Variants in TRPM6 observed in about 807,000 individuals in gnomAD.
The protein encoded by TRPM6 is channel kinase 2.
In TRPM6, 111 loss-of-function variants were observed where a neutral mutation model predicts 247.6. The ratio of observed to expected loss-of-function variants is 0.45; its 90% CI spans 0.38 to 0.52. The LOEUF (loss-of-function observed/expected upper bound fraction) is 0.52, where lower values mean the gene tolerates loss of function less well. TRPM6 is among the 20% of genes least tolerant of loss of function. TRPM6 has a pLI of 0.00. For missense variants in TRPM6, 2,126 were observed against 2,421.5 expected, an observed-to-expected ratio of 0.88 and a Z score of 2.56; for synonymous variants, 892 against 853.8, an observed-to-expected ratio of 1.04 and a Z score of -0.78.
In TRPM6 at chr9:74,761,678, G is replaced by A; in HGVS notation, c.4785+18C>T. ...TTGACTGCTCAAAACCTAAAAGACAGAATAACAGTACACTTACTGGCACCT... is the reference window on the plus strand; with the variant it reads ...TTGACTGCTCAAAACCTAAAAGACAAAATAACAGTACACTTACTGGCACCT... On this transcript the variant is annotated intron_variant, in intron 27 of 38. Transcript: ENST00000360774. The A allele has an allele frequency of 6.7e-7, 1 of 1,498,054 alleles. No homozygotes were observed. 92.8% of individuals were successfully genotyped at this position (1,498,054 alleles called of 1,614,324 possible). A position where few individuals can be genotyped will look rare whatever the true frequency, so the allele number is the denominator to read the frequency against.
chr9:74,758,594 T>C (rs754060841), intron 27 of TRPM6, among the ~76,000 whole-genome samples: 1 of 152,128 alleles, frequency 6.6e-6, no homozygotes, highest in Non-Finnish European at 1.5e-5. Context: ...CCATGAATGA[T>C]AAAAATTCTC....
In TRPM6 at chr9:74,814,774, C is replaced by G. The variant is rs1828866737; in HGVS notation, c.1308+1895G>C. ...GACCAGCCTAGCCAACATGGCAAAC[C>G]CCTGTCTCTACTAAAAATACAAAAA... On this transcript the variant is annotated intron_variant, in intron 11 of 38. Transcript: ENST00000360774. Among the ~76,000 whole-genome samples, 3 of 152,032 alleles carry G rather than the reference C, an allele frequency of 2.0e-5. No homozygotes were observed. The South Asian group carries it at 6.3e-4, about 32-fold the overall frequency.
At chr9:74,870,012 C>T (rs2118452497) in intron 1 of TRPM6, among the ~76,000 whole-genome samples, 1 of 152,144 alleles carries the variant, frequency 6.6e-6, no homozygotes, top group African/African-American at 2.4e-5. Context: ...TATTTTTGCC[C>T]CTCTTACCCA....
At chr9:74,846,165 C>G (rs1465980367) in intron 3 of TRPM6, among the ~76,000 whole-genome samples, 1 of 152,134 alleles carries the variant, frequency 6.6e-6, no homozygotes, top group Admixed American at 6.5e-5. Flanking sequence ...ATAAGTTGAT[C>G]AGGTAAGTTG....
intron 13 of TRPM6, 94 bp downstream of exon 13, chr9:74,810,721 A>C (rs1828700189): frequency 9.1e-7 from 1 of 1,099,706 alleles, no homozygotes; most frequent in Admixed American, 1.7e-5. Flanking sequence ...AAACAATCCA[A>C]ATCTGCATTT....
rs766842113 is a variant in TRPM6, at chr9:74,761,845, A to G, written c.4673-37T>C. 2.6e-6 allele frequency: 4 copies of G among 1,536,412 alleles called. No individual in the cohort carries two copies. The South Asian group carries it at 4.5e-5, about 17-fold the overall frequency. On this transcript the variant is annotated intron_variant, in intron 26 of 38. Transcript: ENST00000360774. ...TGGTCTACATGAGAAAGTTGACAACAGTAAGTGGGGAACATTTTGTTTTAC... is the reference window on the plus strand; with the variant it reads ...TGGTCTACATGAGAAAGTTGACAACGGTAAGTGGGGAACATTTTGTTTTAC...
At chr9:74,838,590 A>G (rs751424131) in intron 5 of TRPM6, among the ~76,000 whole-genome samples, 1 of 152,244 alleles carries the variant, frequency 6.6e-6, no homozygotes, top group African/African-American at 2.4e-5. Flanking sequence ...ACACTGACTC[A>G]TCCTAGCCTG....
chr9:74,847,051 G>A (rs1169996370), intron 3 of TRPM6, among the ~76,000 whole-genome samples: 1 of 152,134 alleles, frequency 6.6e-6, no homozygotes, highest in Non-Finnish European at 1.5e-5. Flanking sequence ...TGTTCTGCAA[G>A]CCAACAATGG....
In TRPM6 at chr9:74,762,157, C is replaced by G; in HGVS notation, c.4514G>C (p.Arg1505Thr). 1 of 1,614,182 alleles carries G rather than the reference C, an allele frequency of 6.2e-7. No individual in the cohort carries two copies. Among genetic ancestry groups the G allele is most frequent in the Non-Finnish European group, 8.5e-7 (1 of 1,180,028 alleles). Reference sequence around the variant, plus strand: ...TGAGCATTCACTACTCTGGGCCGATCTTGTTGAGTTATCAGATAGGGAGCT... The same window carrying G: ...TGAGCATTCACTACTCTGGGCCGATGTTGTTGAGTTATCAGATAGGGAGCT... ...QDSSLSDNST[R>T]SAQSSECSEV... The change falls in exon 26 of 39, where the codon AGA (arginine) becomes ACA (threonine). Residue 1505 changes from arginine (R) to threonine (T), a missense_variant. By Grantham distance (71) the Arg-to-Thr change is moderately conservative. This residue lies in a region of TRPM6 where 717 missense variants were observed against 715.9 expected (regional missense o/e 1.00). Transcript: ENST00000360774.
At chr9:74,783,897 C>A (rs1387937210) in intron 21 of TRPM6, among the ~76,000 whole-genome samples, 2 of 152,106 alleles carry the variant, frequency 1.3e-5, no homozygotes, top group Non-Finnish European at 2.9e-5. Context: ...GAAGGAAAAG[C>A]CAAAGATGAT....
At chr9:74,814,462 T>C (rs1342099834) in intron 11 of TRPM6, among the ~76,000 whole-genome samples, 1 of 152,194 alleles carries the variant, frequency 6.6e-6, no homozygotes, top group Non-Finnish European at 1.5e-5. Context: ...TTGGATTGTT[T>C]GTAACAAAGG....
chr9:74,813,197 A>G (rs1240459052), intron 11 of TRPM6, among the ~76,000 whole-genome samples: 2 of 152,234 alleles, frequency 1.3e-5, no homozygotes, highest in Non-Finnish European at 1.5e-5. Context: ...AACTTCATTA[A>G]AACTACAGTA....
In TRPM6 at chr9:74,866,542, C is replaced by T. The variant is rs183441735; in HGVS notation, c.34-7794G>A. On this transcript the variant is annotated intron_variant, in intron 1 of 38. Coordinates refer to ENST00000360774, the MANE Select transcript of TRPM6 (RefSeq NM_017662.5). ...TGTTGCCCAGGCTAGAGTGCAATGG[C>T]GTGATCTCGGCTCACTGCAACCTCA... Among the ~76,000 whole-genome samples the T allele has an allele frequency of 1.7e-4, 26 of 152,118 alleles. No individual in the cohort carries two copies. In the East Asian group the frequency reaches 2.7e-3, roughly 16 times the overall value.
At chr9:74,792,017 A>G (rs1217219627) in intron 19 of TRPM6, among the ~76,000 whole-genome samples, 1 of 152,140 alleles carries the variant, frequency 6.6e-6, no homozygotes, top group Admixed American at 6.5e-5. Context: ...TCGGCCTCCC[A>G]AAGTGCTGGA....
At position 74,757,523 on chromosome 9, in the gene TRPM6, A is replaced by C. The variant is rs1826468546; in HGVS notation, c.4786-2050T>G. 4.8e-5 allele frequency among the ~76,000 whole-genome samples: 7 copies of C among 145,632 alleles called. No individual in the cohort carries two copies. The South Asian group carries it at 1.6e-3, about 33-fold the overall frequency. ...AGAGTTTGCAGTGAGCTGAGATTGC[A>C]CCACTGCACTCCAGCCTGGGTGACA... On this transcript the variant is annotated intron_variant, in intron 27 of 38. Coordinates refer to ENST00000360774, the MANE Select transcript of TRPM6 (RefSeq NM_017662.5).
chr9:74,853,338 G>A (rs991338270), intron 3 of TRPM6, among the ~76,000 whole-genome samples: 21 of 152,188 alleles, frequency 1.4e-4, no homozygotes, highest in African/African-American at 4.8e-4. Context: ...CTGCCCGGCT[G>A]CCACCCCGTC....
Position 74,802,161 on chromosome 9 carries a change from G to T in TRPM6, c.1746C>A (p.Val582=). 6.2e-7 allele frequency: 1 copy of T among 1,613,850 alleles called. No individual in the cohort carries two copies. The highest frequency in any genetic ancestry group is 1.1e-5 in the South Asian group (1 of 91,064). Residue 582 remains valine (V), a synonymous_variant, in exon 16 of 39, where the codon GTC becomes GTA. Transcript: ENST00000360774. ...QPYKFKEKSI[V]LHKSRKKSKE... is the part of the protein sequence containing the mutation. The stretch of plus-strand genomic sequence containing the variant: ...TTGACTTCTTCCTTGATTTATGAAG[G>T]ACTATAGACTTTTCCTGTTGGAAAA...
At position 74,761,990 on chromosome 9, in the gene TRPM6, A is replaced by T; in HGVS notation, c.4672+9T>A. 1 of 1,612,268 alleles carries T rather than the reference A, an allele frequency of 6.2e-7. No homozygotes were observed. Among genetic ancestry groups the T allele is most frequent in the South Asian group, 1.1e-5 (1 of 90,990 alleles). ...CTTAATGCTGATATTTTAAATGTTT[A>T]TTCCTTACTTTTAATCTTACAGATC... On this transcript the variant is annotated intron_variant, in intron 26 of 38. Coordinates refer to ENST00000360774, the MANE Select transcript of TRPM6 (RefSeq NM_017662.5).
At chr9:74,822,757 A>G (rs1829175550) in intron 7 of TRPM6, among the ~76,000 whole-genome samples, 1 of 152,218 alleles carries the variant, frequency 6.6e-6, no homozygotes, top group South Asian at 2.1e-4. Context: ...ACAGAAAGGA[A>G]TAACTGCAGA....
Sources: gnomAD v4.1 joint callset for allele counts (sites outside exome capture counted in the v4.1 genomes callset) on GRCh38, gnomAD v4.1.1 for gene constraint, gnomAD v4.1.1 regional missense constraint, MANE v1.5 for transcripts, NCBI Gene and HGNC (gene_info 2026-07-23, HGNC 2026-07-21) for gene names.